CERS3: variants seen among roughly 807,000 people sequenced by gnomAD.
The protein encoded by CERS3 is LAG1 homolog, ceramide synthase 3.
CERS3 carries 33 observed loss-of-function variants against 50.3 expected under a neutral mutation model. The ratio of observed to expected loss-of-function variants is 0.66; its 90% CI spans 0.50 to 0.88. The LOEUF (loss-of-function observed/expected upper bound fraction) is 0.88, where lower values mean the gene tolerates loss of function less well. CERS3 is among the 40% of genes least tolerant of loss of function. CERS3 has a pLI of 0.00. For missense variants in CERS3, 470 were observed against 460.3 expected (o/e 1.02, Z -0.19); for synonymous variants, 176 against 155.2 (o/e 1.13, Z -0.99).
upstream of CERS3, among the ~76,000 whole-genome samples, chr15:100,529,623 G>A (rs983986233): frequency 1.3e-5 from 2 of 152,138 alleles, no homozygotes; most frequent in Non-Finnish European, 2.9e-5. Context: ...AATTTCAAAG[G>A]CAAGTGTGGA....
chr15:100,526,478 C>CTCTGTGTGTGTGTGTGTGTGTG (rs1555536155), intron 1 of CERS3, among the ~76,000 whole-genome samples: 1 of 131,458 alleles, frequency 7.6e-6, no homozygotes, highest in Non-Finnish European at 1.6e-5. Flanking sequence ...CCTACATAAA[C>CTCTGTGTGTGTGTGTGTGTGTG]TGTGTGTGTG....
chr15:100,491,888 G>A (rs1186278817), intron 3 of CERS3, among the ~76,000 whole-genome samples: 3 of 82,678 alleles, frequency 3.6e-5, no homozygotes, highest in Non-Finnish European at 7.8e-5. Flanking sequence ...TTCTGTTATT[G>A]ATTTCTTTTT....
chr15:100,512,448 G>A (rs1054792422), intron 2 of CERS3, among the ~76,000 whole-genome samples: 1 of 152,158 alleles, frequency 6.6e-6, no homozygotes, highest in Non-Finnish European at 1.5e-5. Context: ...ACCTGCTAAT[G>A]AGCAGCTCTC....
intron 11 of CERS3, among the ~76,000 whole-genome samples, chr15:100,413,736 T>A: frequency 6.9e-6 from 1 of 144,922 alleles, no homozygotes; most frequent in African/African-American, 2.6e-5. Context: ...CAGCATCTAG[T>A]AAATTTAACC....
intron 11 of CERS3, among the ~76,000 whole-genome samples, chr15:100,442,286 A>AC (rs1234285984): frequency 1.3e-5 from 2 of 152,306 alleles, no homozygotes; most frequent in East Asian, 1.9e-4. Context: ...TTCTCAATAT[A>AC]AATTTTATTA....
intron 5 of CERS3, among the ~76,000 whole-genome samples, chr15:100,484,218 CA>C (rs963347165): frequency 6.6e-6 from 1 of 151,758 alleles, no homozygotes; most frequent in Non-Finnish European, 1.5e-5. Flanking sequence ...AAAAGAGAAA[CA>C]CCAGTTAAGA....
chr15:100,478,780 TA>T (rs967097723), intron 7 of CERS3, among the ~76,000 whole-genome samples: 4 of 151,562 alleles, frequency 2.6e-5, no homozygotes, highest in African/African-American at 7.3e-5. Context: ...TACCCACCAT[TA>T]AAAAAAATAG....
chr15:100,403,868 G>A (rs1789261233), intron 11 of CERS3, among the ~76,000 whole-genome samples: 1 of 143,448 alleles, frequency 7.0e-6, no homozygotes, highest in African/African-American at 2.5e-5. Context: ...AGAAGAGGAG[G>A]GAACAGGTCT....
intron 10 of CERS3, among the ~76,000 whole-genome samples, chr15:100,456,841 G>A (rs1373867102): frequency 6.6e-6 from 1 of 152,028 alleles, no homozygotes; most frequent in Non-Finnish European, 1.5e-5. Context: ...CAGCTACTGG[G>A]GAGGCTGAGG....
chr15:100,411,857 T>C (rs1251089110), intron 11 of CERS3, among the ~76,000 whole-genome samples: 5 of 152,152 alleles, frequency 3.3e-5, no homozygotes, highest in African/African-American at 4.8e-5. Flanking sequence ...CCCTAATGAT[T>C]AGTTATGATG....
chr15:100,409,564 G>T (rs1394009675), intron 11 of CERS3, among the ~76,000 whole-genome samples: 2 of 152,140 alleles, frequency 1.3e-5, no homozygotes, highest in African/African-American at 4.8e-5. Flanking sequence ...ATGCTCTAGG[G>T]GGAACAAGGC....
chr15:100,497,686 G>C (rs2142317440), intron 3 of CERS3, among the ~76,000 whole-genome samples: 1 of 151,880 alleles, frequency 6.6e-6, no homozygotes, highest in Middle Eastern at 3.4e-3. Flanking sequence ...ATAGCATATG[G>C]GTAAGTATAC....
chr15:100,536,626 T>C (rs1053795097), intron 1 of CERS3, among the ~76,000 whole-genome samples: 2 of 152,140 alleles, frequency 1.3e-5, no homozygotes, highest in African/African-American at 4.8e-5. Context: ...CTACATAATA[T>C]GAAATTAGGA....
intron 1 of CERS3, among the ~76,000 whole-genome samples, chr15:100,522,886 G>T (rs2036678888): frequency 1.3e-5 from 2 of 152,334 alleles, no homozygotes; most frequent in South Asian, 4.1e-4. Flanking sequence ...TGTATATTCA[G>T]TTTAACAGAT....
intron 11 of CERS3, among the ~76,000 whole-genome samples, chr15:100,445,469 C>G (rs1351317240): frequency 1.3e-5 from 2 of 152,196 alleles, no homozygotes; most frequent in Non-Finnish European, 2.9e-5. Context: ...GTCCTAGGTC[C>G]TCCCAATTCT....
chr15:100,521,991 C>T (rs2036654050), intron 1 of CERS3, among the ~76,000 whole-genome samples: 1 of 151,980 alleles, frequency 6.6e-6, no homozygotes, highest in South Asian at 2.1e-4. Flanking sequence ...TGCAGCTTCA[C>T]TCAGAAACTC....
At chr15:100,402,920 G>C in intron 11 of CERS3, 55 bp from the exon 12 acceptor site, 1 of 1,527,322 alleles carries the variant, frequency 6.5e-7, no homozygotes, top group South Asian at 1.2e-5. Context: ...AGAGTCTTGA[G>C]TAAATCTGCC....
chr15:100,432,612 G>C (rs188927218), intron 11 of CERS3, among the ~76,000 whole-genome samples: 2 of 152,186 alleles, frequency 1.3e-5, no homozygotes, highest in African/African-American at 4.8e-5. Context: ...ACCACATCTA[G>C]AAAACTGTGC....
At chr15:100,412,625 A>C (rs546240302) in intron 11 of CERS3, among the ~76,000 whole-genome samples, 1 of 152,324 alleles carries the variant, frequency 6.6e-6, no homozygotes, top group East Asian at 1.9e-4. Flanking sequence ...TATAGAAGAA[A>C]AATAGAGCCA....
Sources: gnomAD v4.1 joint callset for allele counts (sites outside exome capture counted in the v4.1 genomes callset) on GRCh38, gnomAD v4.1.1 for gene constraint, MANE v1.5 for transcripts, NCBI Gene and HGNC (gene_info 2026-07-23, HGNC 2026-07-21) for gene names.